KEAP1: variants seen among roughly 807,000 people sequenced by gnomAD.
The protein encoded by KEAP1 is kelch-like ECH-associated protein 1.
A neutral mutation model predicts 59.7 loss-of-function variants in KEAP1; 26 were observed. That is an observed-to-expected ratio of 0.44 (90% CI 0.32 to 0.60). KEAP1 has a LOEUF of 0.60. Ranked by LOEUF, KEAP1 falls within the 20% of genes least tolerant of loss-of-function variation. KEAP1 has a pLI of 0.06. For synonymous variants in KEAP1, 350 were observed against 358.3 expected (o/e 0.98, Z 0.26); for missense variants, 539 against 871.4 (o/e 0.62, Z 4.80).
chr19:10,489,560 AG>A, intron 4 of KEAP1, 87 bp downstream of exon 4: 2 of 1,462,152 alleles, frequency 1.4e-6, no homozygotes, highest in Non-Finnish European at 1.9e-6. Flanking sequence ...GGGTTGCAAC[AG>A]GGGGTCTCTC....
At chr19:10,495,048 C>T (rs1460656662) in intron 2 of KEAP1, among the ~76,000 whole-genome samples, 3 of 151,682 alleles carry the variant, frequency 2.0e-5, no homozygotes, top group African/African-American at 7.3e-5. Flanking sequence ...CCTCTGTCTC[C>T]GGGTTCAAAT....
rs2144623384 is a variant in KEAP1, at chr19:10,499,331, A to G, written c.639+64T>C. 1.4e-6 allele frequency: 2 copies of G among 1,385,906 alleles called. No individual in the cohort carries two copies. Among genetic ancestry groups the G allele is most frequent in the African/African-American group, 1.4e-5 (1 of 70,530 alleles). The allele number at this position is 1,385,906 out of a possible 1,614,324, so 85.9% of individuals were successfully genotyped here. ...CTTGACATCTCAAGGGGAGACAGTG[A>G]TGAGCACTCGTCCATCCCTGGTCCT... On this transcript the variant is annotated intron_variant, in intron 2 of 5. Coordinates refer to ENST00000171111, the MANE Select transcript of KEAP1 (RefSeq NM_203500.2). The surrounding 1 kb of genome is among the most constrained non-coding windows in gnomAD (Gnocchi z 6.7).
chr19:10,498,277 G>A (rs964589134), intron 2 of KEAP1, among the ~76,000 whole-genome samples: 1 of 146,570 alleles, frequency 6.8e-6, no homozygotes, highest in Non-Finnish European at 1.5e-5. Context: ...TCGGCTCACT[G>A]CAACCTCCAC....
At chr19:10,487,079 C>T (rs1248210095) in intron 5 of KEAP1, among the ~76,000 whole-genome samples, 3 of 148,986 alleles carry the variant, frequency 2.0e-5, no homozygotes, top group Admixed American at 6.7e-5. Flanking sequence ...CTTGGTAGCT[C>T]ACGCCTATAA....
At chr19:10,498,163 G>T (rs1349211549) in intron 2 of KEAP1, among the ~76,000 whole-genome samples, 1 of 147,444 alleles carries the variant, frequency 6.8e-6, no homozygotes, top group Non-Finnish European at 1.5e-5. Flanking sequence ...GCCTTCCAAA[G>T]TGCTGGGATT....
chr19:10,493,821 A>G (rs1599486162), intron 2 of KEAP1, among the ~76,000 whole-genome samples: 2 of 151,798 alleles, frequency 1.3e-5, no homozygotes, highest in South Asian at 4.2e-4. Flanking sequence ...TCGGCCTCCC[A>G]AAGTGCTGGG....
At chr19:10,492,463 A>G (rs1914708065) in intron 2 of KEAP1, 1 of 571,206 alleles carries the variant, frequency 1.8e-6, no homozygotes, top group South Asian at 2.0e-5. Context: ...TCACGCCTGT[A>G]ATGCCAGCAC....
At chr19:10,501,119 C>G (rs1915029266) in intron 1 of KEAP1, among the ~76,000 whole-genome samples, 1 of 152,222 alleles carries the variant, frequency 6.6e-6, no homozygotes, top group African/African-American at 2.4e-5. Context: ...AGTGCAGTGG[C>G]TCAGAGGCTG....
chr19:10,498,077 T>C (rs541250848), intron 2 of KEAP1, among the ~76,000 whole-genome samples: 1 of 151,906 alleles, frequency 6.6e-6, no homozygotes, highest in East Asian at 1.9e-4. Flanking sequence ...ATTTTGCATT[T>C]TTAATAGAGA....
intron 2 of KEAP1, among the ~76,000 whole-genome samples, chr19:10,497,446 G>A (rs1914890085): frequency 6.6e-6 from 1 of 152,186 alleles, no homozygotes; most frequent in South Asian, 2.1e-4. Flanking sequence ...TGGGACTCCC[G>A]AAGGCTTAGG....
At chr19:10,495,898 C>T (rs1260248245) in intron 2 of KEAP1, among the ~76,000 whole-genome samples, 1 of 152,072 alleles carries the variant, frequency 6.6e-6, no homozygotes, top group Admixed American at 6.6e-5. Flanking sequence ...ATAAATATTT[C>T]TTGTAGCCAG....
rs1914684708 is a variant in KEAP1 at position 10,491,851 on chromosome 19, T to C, written c.1051A>G (p.Thr351Ala). The C allele has an allele frequency of 6.2e-7, 1 of 1,610,684 alleles. No homozygotes were observed. The highest frequency in any genetic ancestry group is 8.5e-7 in the Non-Finnish European group (1 of 1,178,746). ...YLEAYNPSDGTWLRLADLQVP... is the reference protein window; with the variant it reads ...YLEAYNPSDGAWLRLADLQVP... ...TGCAGGTCCGCCAACCGGAGCCAGG[T>C]GCCGTCACTGGGGTTGTAAGCCTCC... is the stretch of plus-strand genomic sequence containing the variant. The change falls in exon 3 of 6, where the codon ACC becomes GCC. Residue 351 changes from threonine (T) to alanine (A), a missense_variant. By Grantham distance (58) the Thr-to-Ala change is moderately conservative (BLOSUM62 0). Around this residue, in one of 4 missense-constraint regions of KEAP1, gnomAD observed 311 missense variants for 425.2 expected, o/e 0.73. Coordinates refer to ENST00000171111, the MANE Select transcript of KEAP1 (RefSeq NM_203500.2). The surrounding 1 kb of genome is among the most constrained non-coding windows in gnomAD (Gnocchi z 5.2).
rs1023362212 is a variant in KEAP1, at chr19:10,499,402, A to T, written c.632T>A (p.Phe211Tyr). ...QRAREYIYMH[F>Y]GEVAKQEEFF... ...CCCCACTTCCCCGCTCACCTCCCCA[A>T]AATGCATGTAGATGTACTCCCGGGC... The change falls in exon 2 of 6, where the codon TTT becomes TAT. Residue 211 changes from phenylalanine to tyrosine, a missense_variant. Phe to Tyr is a conservative substitution (Grantham distance 22, BLOSUM62 3). Around this residue, in one of 4 missense-constraint regions of KEAP1, gnomAD observed 166 missense variants for 295.8 expected, o/e 0.56. Coordinates refer to ENST00000171111, the MANE Select transcript of KEAP1 (RefSeq NM_203500.2). The surrounding 1 kb of genome is among the most constrained non-coding windows in gnomAD (Gnocchi z 6.7). The T allele has an allele frequency of 6.3e-7, 1 of 1,599,060 alleles. No individual in the cohort carries two copies. The highest frequency in any genetic ancestry group is 8.5e-7 in the Non-Finnish European group (1 of 1,173,216).
rs138405720 is a variant in KEAP1, at chr19:10,499,896, C to T, written c.138G>A (p.Gln46=). Residue 46 remains glutamine, a synonymous_variant, in exon 2 of 6, where the codon CAG becomes CAA. Transcript: ENST00000171111. The surrounding 1 kb of genome is among the most constrained non-coding windows in gnomAD (Gnocchi z 6.7). ...TECKAEVTPS[Q]HGNRTFSYTL... ...TGTAGCTGAAGGTGCGGTTGCCATGCTGGGAGGGCGTCACCTCCGCCTTGC... is the reference window on the plus strand; with the variant it reads ...TGTAGCTGAAGGTGCGGTTGCCATGTTGGGAGGGCGTCACCTCCGCCTTGC... 3.1e-6 allele frequency: 5 copies of T among 1,613,202 alleles called. No individual in the cohort carries two copies. The African/African-American group carries it at 5.3e-5, about 17-fold the overall frequency.
Position 10,499,352 on chromosome 19 carries a change from G to A in KEAP1, c.639+43C>T, listed in dbSNP as rs2144623588. ...AGTGATGAGCACTCGTCCATCCCTG[G>A]TCCTTCTCCTGACACTGCCCCCAGC... is the stretch of plus-strand genomic sequence containing the variant. On this transcript the variant is annotated intron_variant, in intron 2 of 5. Transcript: ENST00000171111. This position sits in a 1 kb window ranked among gnomAD's most constrained non-coding sequence, Gnocchi z 6.7. 6.7e-7 allele frequency: 1 copy of A among 1,495,690 alleles called. No individual in the cohort carries two copies. The highest frequency in any genetic ancestry group is 9.0e-7 in the Non-Finnish European group (1 of 1,112,578). The allele number at this position is 1,495,690 out of a possible 1,614,324, so 92.7% of individuals were successfully genotyped here. A position where few individuals can be genotyped will look rare whatever the true frequency, so the allele number is the denominator to read the frequency against.
chr19:10,486,464 C>G lies in KEAP1; in HGVS notation c.*188G>C. The G allele has an allele frequency of 1.5e-6, 1 of 659,732 alleles. No individual in the cohort carries two copies. The highest frequency in any genetic ancestry group is 2.6e-6 in the Non-Finnish European group (1 of 379,162). The allele number at this position is 659,732 out of a possible 1,614,324, so 40.9% of individuals were successfully genotyped here. A position where few individuals can be genotyped will look rare whatever the true frequency, so the allele number is the denominator to read the frequency against. ...GCTGTCTTGGACACTCCCGGGGCTC[C>G]GCTGAGGGGCACATGATTCCCGCTT... On this transcript the variant is annotated 3_prime_UTR_variant, in exon 6 of 6. Coordinates refer to ENST00000171111, the MANE Select transcript of KEAP1 (RefSeq NM_203500.2).
Position 10,491,530 on chromosome 19 carries a change from GCCAGGAGCAGGAC to G in KEAP1, c.1325+34_1325+46del. On this transcript the variant is annotated intron_variant, in intron 3 of 5. Transcript: ENST00000171111. This position sits in a 1 kb window ranked among gnomAD's most constrained non-coding sequence, Gnocchi z 5.2. ...CCCGGATCTCAGTGTCTTGGGACTTGCCAGGAGCAGGACCCTCCGAGCCCACCCCCAGGCCCTG... is the reference window on the plus strand; with the variant it reads ...CCCGGATCTCAGTGTCTTGGGACTTGCCTCCGAGCCCACCCCCAGGCCCTG... 1.4e-6 allele frequency: 2 copies of G among 1,439,116 alleles called. No homozygotes were observed. The highest frequency in any genetic ancestry group is 1.8e-6 in the Non-Finnish European group (2 of 1,084,282). The allele number at this position is 1,439,116 out of a possible 1,614,324, so 89.1% of individuals were successfully genotyped here.
chr19:10,493,018 T>G (rs1914726919), intron 2 of KEAP1, among the ~76,000 whole-genome samples: 1 of 151,732 alleles, frequency 6.6e-6, no homozygotes. Flanking sequence ...TATTTTGATA[T>G]GGATTCTTAC....
At chr19:10,500,926 C>T (rs958229521) in intron 1 of KEAP1, among the ~76,000 whole-genome samples, 3 of 152,100 alleles carry the variant, frequency 2.0e-5, no homozygotes, top group African/African-American at 2.4e-5. Context: ...GTGAGCCGCC[C>T]GCCTTGGCAT....
Sources: gnomAD v4.1 joint callset for allele counts (sites outside exome capture counted in the v4.1 genomes callset) on GRCh38, gnomAD v4.1.1 for gene constraint, gnomAD v4.1.1 regional missense constraint, Gnocchi (gnomAD v3.1) non-coding constraint, MANE v1.5 for transcripts, NCBI Gene and HGNC (gene_info 2026-07-23, HGNC 2026-07-21) for gene names.